PKN3: variants seen among roughly 807,000 people sequenced by gnomAD.
The protein encoded by PKN3 is serine/threonine-protein kinase N3.
Under a neutral mutation model 113.1 loss-of-function variants are expected in PKN3, and 91 were observed. The ratio of observed to expected loss-of-function variants is 0.80; its 90% CI spans 0.68 to 0.96. The LOEUF is 0.96. Ranked by LOEUF, PKN3 falls within the 40% of genes least tolerant of loss-of-function variation. PKN3 has a pLI of 0.00. For missense variants in PKN3, 1,052 were observed against 1,202.2 expected (o/e 0.88, Z 1.85); for synonymous variants, 467 against 499.0 (o/e 0.94, Z 0.85).
At chr9:128,713,671 G>T (rs1335179450) in intron 9 of PKN3, 29 bp downstream of exon 9, 2 of 1,610,902 alleles carry the variant, frequency 1.2e-6, no homozygotes, top group Non-Finnish European at 1.7e-6. Flanking sequence ...CTCTGACTTG[G>T]TGGGACCCTG....
At chr9:128,707,967 G>A (rs1369067748) in intron 6 of PKN3, among the ~76,000 whole-genome samples, 1 of 151,224 alleles carries the variant, frequency 6.6e-6, no homozygotes, top group Admixed American at 6.6e-5. Flanking sequence ...GGTTGCTCAG[G>A]AAGCTGAGGC....
At chr9:128,719,665 G>T (rs1254002620) in intron 18 of PKN3, 21 bp from the exon 19 acceptor site, 3 of 1,529,348 alleles carry the variant, frequency 2.0e-6, no homozygotes, top group South Asian at 2.6e-5. Context: ...AGCAGCTATT[G>T]GTGTGCCTGT....
At chr9:128,711,067 G>A (rs994544221) in intron 6 of PKN3, among the ~76,000 whole-genome samples, 55 of 151,158 alleles carry the variant, frequency 3.6e-4, no homozygotes, top group Admixed American at 2.4e-3. Flanking sequence ...GTGCAGTGGC[G>A]CAATCTTGGC....
At chr9:128,705,584 A>G in intron 2 of PKN3, 41 bp downstream of exon 2, 1 of 1,548,634 alleles carries the variant, frequency 6.5e-7, no homozygotes, top group Non-Finnish European at 8.7e-7. Flanking sequence ...AGAAGGCTCT[A>G]GGCCCATCTG....
chr9:128,720,147 A>C lies in PKN3; in HGVS notation c.2377-56A>C. On this transcript the variant is annotated intron_variant, in intron 20 of 21. Transcript: ENST00000291906. This position sits in a 1 kb window ranked among gnomAD's most constrained non-coding sequence, Gnocchi z 5.5. ...GGGCCAGCGTGCTTGGGGCCTGTGGATGATGGCAGTGCCTGGGGCTGAATG... is the reference window on the plus strand; with the variant it reads ...GGGCCAGCGTGCTTGGGGCCTGTGGCTGATGGCAGTGCCTGGGGCTGAATG... The C allele has an allele frequency of 6.3e-7, 1 of 1,576,036 alleles. No individual in the cohort carries two copies. The highest frequency in any genetic ancestry group is 8.7e-7 in the Non-Finnish European group (1 of 1,148,960).
Position 128,705,721 on chromosome 9 carries a change from C to T in PKN3, c.266-13C>T, listed in dbSNP as rs1224945446. ...GGGTGAGGGACTCCTGTGCTCGATA[C>T]CCCCGTGCACAGAGCCTGTGGCCTC... On this transcript the variant is annotated splice_polypyrimidine_tract_variant and intron_variant, in intron 2 of 21. Coordinates refer to ENST00000291906, the MANE Select transcript of PKN3 (RefSeq NM_013355.5). 2.5e-6 allele frequency: 4 copies of T among 1,596,458 alleles called. No homozygotes were observed.
intron 16 of PKN3, 100 bp from the exon 17 acceptor site, chr9:128,718,225 G>T: frequency 2.3e-6 from 2 of 873,126 alleles, no homozygotes; most frequent in Non-Finnish European, 3.9e-6. Context: ...CTCTGGCCGG[G>T]ACATCCGGGA....
Position 128,715,184 on chromosome 9 carries a change from G to A in PKN3, c.1665G>A (p.Arg555=). Residue 555 remains arginine, a synonymous_variant, in exon 14 of 22, where the codon CGG becomes CGA. Transcript: ENST00000291906. This position sits in a 1 kb window ranked among gnomAD's most constrained non-coding sequence, Gnocchi z 4.1. ...TCTTCCTTTGCAGGAAACCCCCTCG[G>A]CTTCAGGACTTCCGCTGCTTAGCTG... The part of the protein sequence containing the change: ...PPASPTRKPP[R]LQDFRCLAVL... 1 of 1,614,062 alleles carries A rather than the reference G, an allele frequency of 6.2e-7. No individual in the cohort carries two copies. The highest frequency in any genetic ancestry group is 8.5e-7 in the Non-Finnish European group (1 of 1,179,992).
Position 128,715,246 on chromosome 9 carries a change from G to T in PKN3, c.1716+11G>T, listed in dbSNP as rs1862305249. 5 of 1,613,924 alleles carry T rather than the reference G, an allele frequency of 3.1e-6. No individual in the cohort carries two copies. Among genetic ancestry groups the T allele is most frequent in the Non-Finnish European group, 2.5e-6 (3 of 1,179,854 alleles). On this transcript the variant is annotated intron_variant, in intron 14 of 21. Coordinates refer to ENST00000291906, the MANE Select transcript of PKN3 (RefSeq NM_013355.5). The surrounding 1 kb of genome is among the most constrained non-coding windows in gnomAD (Gnocchi z 4.1). ...GGACACTTTGGGAAGGTAGTGGGCT[G>T]AAGAGGGTGGTATGGGACGGGATTG...
chr9:128,713,430 G>A lies in PKN3; in HGVS notation c.1092+43G>A, dbSNP rs375841092. ...GTGGTCAGGGGTGACCTTGGGCTGCGGGGTGGAAGGCTGCCCAGGTCGGGG... is the reference window on the plus strand; with the variant it reads ...GTGGTCAGGGGTGACCTTGGGCTGCAGGGTGGAAGGCTGCCCAGGTCGGGG... On this transcript the variant is annotated intron_variant, in intron 8 of 21. Coordinates refer to ENST00000291906, the MANE Select transcript of PKN3 (RefSeq NM_013355.5). 1.4e-5 allele frequency: 23 copies of A among 1,611,818 alleles called. No homozygotes were observed. The African/African-American group carries it at 2.0e-4, about 14-fold the overall frequency.
At chr9:128,703,376 C>T (rs1861912552) in intron 1 of PKN3, 1 of 985,270 alleles carries the variant, frequency 1.0e-6, no homozygotes, top group African/African-American at 1.7e-5. Context: ...GCGCGCTTGG[C>T]AGTGGCAGGA....
In PKN3 at chr9:128,720,227, C is replaced by G. The variant is rs138407169; in HGVS notation, c.2401C>G (p.Arg801Gly). The change falls in exon 21 of 22, where the codon CGC becomes GGC. Residue 801 changes from arginine to glycine, a missense_variant. This residue lies in a region of PKN3 where 333 missense variants were observed against 442.8 expected (regional missense o/e 0.75). Coordinates refer to ENST00000291906, the MANE Select transcript of PKN3 (RefSeq NM_013355.5). The surrounding 1 kb of genome is among the most constrained non-coding windows in gnomAD (Gnocchi z 5.5). Reference protein sequence around the residue: ...QKLLQKCPEKRLGAGEQDAEE... With the variant: ...QKLLQKCPEKGLGAGEQDAEE... Reference sequence around the variant, plus strand: ...GCTCCTCCAGAAGTGCCCGGAGAAGCGCCTCGGGGCAGGTGAGCAGGATGC... The same window carrying G: ...GCTCCTCCAGAAGTGCCCGGAGAAGGGCCTCGGGGCAGGTGAGCAGGATGC... 1.4e-5 allele frequency: 22 copies of G among 1,613,722 alleles called. No homozygotes were observed. Among genetic ancestry groups the G allele is most frequent in the Non-Finnish European group, 1.5e-5 (18 of 1,180,006 alleles).
rs147364665 is a variant in PKN3 at position 128,719,935 on chromosome 9, AAG to A, written c.2297_2298del (p.Glu766GlyfsTer3). The stretch of plus-strand genomic sequence containing the variant: ...TGCCCGTTCCCAGGGGACACAGAGG[AAG>A]AGGTGTTTGACTGCATCGTCAACAT... On this transcript the variant is annotated frameshift_variant, in exon 20 of 22. Transcript: ENST00000291906. LOFTEE classifies it high-confidence loss of function. 3.1e-6 allele frequency: 5 copies of A among 1,613,988 alleles called. No homozygotes were observed. Among genetic ancestry groups the A allele is most frequent in the Non-Finnish European group, 4.2e-6 (5 of 1,179,976 alleles).
chr9:128,706,399 G>T (rs887941343), intron 3 of PKN3, among the ~76,000 whole-genome samples: 2 of 151,794 alleles, frequency 1.3e-5, no homozygotes, highest in Admixed American at 6.6e-5. Context: ...CCACAGCCCT[G>T]ATCTGATGGG....
In PKN3 at chr9:128,702,806, T is replaced by C; in HGVS notation, c.-110T>C. ...GGGAGGGGGCGCCCGATCCCGCGTC[T>C]CCGGCGCCGCTTCCCGGGAAGTTTC... On this transcript the variant is annotated 5_prime_UTR_variant, in exon 1 of 22. Coordinates refer to ENST00000291906, the MANE Select transcript of PKN3 (RefSeq NM_013355.5). 2.4e-6 allele frequency: 2 copies of C among 825,256 alleles called. No individual in the cohort carries two copies. The highest frequency in any genetic ancestry group is 3.3e-5 in the East Asian group (1 of 30,544). 51.1% of individuals were successfully genotyped at this position (825,256 alleles called of 1,614,324 possible). A position where few individuals can be genotyped will look rare whatever the true frequency, so the allele number is the denominator to read the frequency against.
Position 128,706,728 on chromosome 9 carries a change from G to A in PKN3, c.427G>A (p.Ala143Thr). 1.3e-6 allele frequency: 2 copies of A among 1,584,702 alleles called. No individual in the cohort carries two copies. Among genetic ancestry groups the A allele is most frequent in the Middle Eastern group, 1.7e-4 (1 of 5,832 alleles). Residue 143 changes from alanine to threonine, a missense_variant, in exon 4 of 22, where the codon GCA becomes ACA. Ala to Thr is a moderately conservative substitution (Grantham distance 58, BLOSUM62 0). Around this residue, in one of 2 missense-constraint regions of PKN3, gnomAD observed 719 missense variants for 759.4 expected, o/e 0.95. Coordinates refer to ENST00000291906, the MANE Select transcript of PKN3 (RefSeq NM_013355.5). ...GGCTCCATAGGAGAGGAAGCTCCTG[G>A]CAGCTGCCCAGCAGATGCTGCGGGA... is the stretch of plus-strand genomic sequence containing the variant. ...SGTPKERKLL[A>T]AAQQMLRDSQ... is the part of the protein sequence containing the mutation.
At chr9:128,712,667 G>C (rs907973166) in intron 6 of PKN3, among the ~76,000 whole-genome samples, 12 of 152,200 alleles carry the variant, frequency 7.9e-5, no homozygotes, top group Admixed American at 7.9e-4. Context: ...TGTCCCTGCC[G>C]CTCCAGCATG....
rs1382243468 is a variant in PKN3, at chr9:128,715,209, G to A, written c.1690G>A (p.Val564Met). Residue 564 changes from valine to methionine, a missense_variant, in exon 14 of 22, where the codon GTG becomes ATG. Around this residue, in one of 2 missense-constraint regions of PKN3, gnomAD observed 333 missense variants for 442.8 expected, o/e 0.75. Transcript: ENST00000291906. The surrounding 1 kb of genome is among the most constrained non-coding windows in gnomAD (Gnocchi z 4.1). The part of the protein sequence containing the change: ...PRLQDFRCLA[V>M]LGRGHFGKVL... The stretch of plus-strand genomic sequence containing the variant: ...GCTTCAGGACTTCCGCTGCTTAGCT[G>A]TGCTGGGCCGGGGACACTTTGGGAA... The A allele has an allele frequency of 1.2e-6, 2 of 1,614,010 alleles. No homozygotes were observed. The highest frequency in any genetic ancestry group is 8.5e-7 in the Non-Finnish European group (1 of 1,180,030).
Position 128,720,651 on chromosome 9 carries a change from G to A in PKN3, c.*45G>A, listed in dbSNP as rs1833341563. 1.3e-6 allele frequency: 2 copies of A among 1,539,026 alleles called. No individual in the cohort carries two copies. Among genetic ancestry groups the A allele is most frequent in the Admixed American group, 1.8e-5 (1 of 56,714 alleles). ...TGTCCCCTTCCCCCACAGACTGTTA[G>A]AGCCTCTGCTCGTTCACCCGTGCGC... On this transcript the variant is annotated 3_prime_UTR_variant, in exon 22 of 22. Coordinates refer to ENST00000291906, the MANE Select transcript of PKN3 (RefSeq NM_013355.5). This position sits in a 1 kb window ranked among gnomAD's most constrained non-coding sequence, Gnocchi z 5.5.
Sources: allele counts gnomAD v4.1 joint callset (sites outside exome capture counted in the v4.1 genomes callset), GRCh38; gene constraint gnomAD v4.1.1; regional missense constraint gnomAD v4.1.1; non-coding constraint Gnocchi (gnomAD v3.1); transcripts MANE v1.5; gene names NCBI Gene and HGNC (gene_info 2026-07-23, HGNC 2026-07-21).